Variants in EFR3B observed in about 807,000 individuals in gnomAD.
The protein encoded by EFR3B is protein EFR3 homolog B.
In EFR3B, 64 loss-of-function variants were observed where a neutral mutation model predicts 104.7. The ratio of observed to expected loss-of-function variants is 0.61; its 90% CI spans 0.50 to 0.75. The LOEUF (loss-of-function observed/expected upper bound fraction) is 0.75, where lower values mean the gene tolerates loss of function less well. EFR3B is among the 30% of genes least tolerant of loss of function. The pLI is 0.00. For missense variants in EFR3B, 750 were observed against 1,078.5 expected (o/e 0.70, Z 4.27); for synonymous variants, 385 against 417.9 (o/e 0.92, Z 0.96).
intron 5 of EFR3B, among the ~76,000 whole-genome samples, chr2:25,126,072 G>A (rs1471992937): frequency 6.6e-6 from 1 of 152,232 alleles, no homozygotes. Context: ...TAGAACAGAT[G>A]TTTAAAATGA....
At chr2:25,098,358 T>A (rs1258456280) in intron 3 of EFR3B, among the ~76,000 whole-genome samples, 2 of 152,138 alleles carry the variant, frequency 1.3e-5, no homozygotes, top group Non-Finnish European at 2.9e-5. Context: ...CTGCCTTTCC[T>A]CTCCAACTAA....
intron 3 of EFR3B, among the ~76,000 whole-genome samples, chr2:25,099,245 G>C (rs6756204): frequency 6.6e-6 from 1 of 152,122 alleles, no homozygotes; most frequent in Admixed American, 6.6e-5. Flanking sequence ...TGCTGGGACT[G>C]GGTCTGCAAG....
chr2:25,132,868 G>T (rs1670395884), intron 10 of EFR3B, 35 bp from the exon 11 acceptor site: 1 of 1,524,218 alleles, frequency 6.6e-7, no homozygotes, highest in East Asian at 2.5e-5. Flanking sequence ...TGGAGCCTGT[G>T]CCTCACTGGG....
intron 3 of EFR3B, among the ~76,000 whole-genome samples, chr2:25,100,466 TAC>T (rs1345079415): frequency 6.6e-6 from 1 of 152,196 alleles, no homozygotes; most frequent in Admixed American, 6.5e-5. Flanking sequence ...CATTAGGCTT[TAC>T]AGTTTTCTGC....
intron 1 of EFR3B, among the ~76,000 whole-genome samples, chr2:25,045,846 C>A (rs2149161513): frequency 6.6e-6 from 1 of 152,194 alleles, no homozygotes; most frequent in Middle Eastern, 3.4e-3. Flanking sequence ...CTGGAGCATC[C>A]CGTTTCCCCG....
rs781011495 is a variant in EFR3B, at chr2:25,136,501, G to C, written c.1485-22G>C. ...GCTGGCCTCATGCAAGGGCTAAGGA[G>C]GCCCTTTGCATCCCTTCCCAGTACC... On this transcript the variant is annotated intron_variant, in intron 13 of 22. Transcript: ENST00000403714. The surrounding 1 kb of genome is among the most constrained non-coding windows in gnomAD (Gnocchi z 4.0). 1.3e-6 allele frequency: 2 copies of C among 1,544,134 alleles called. No individual in the cohort carries two copies. Among genetic ancestry groups the C allele is most frequent in the Non-Finnish European group, 1.8e-6 (2 of 1,140,488 alleles).
intron 4 of EFR3B, among the ~76,000 whole-genome samples, chr2:25,104,073 C>T (rs1410475603): frequency 6.6e-6 from 1 of 152,062 alleles, no homozygotes; most frequent in African/African-American, 2.4e-5. Context: ...GGTGGCCAGG[C>T]ACAGTGGCTC....
At chr2:25,104,566 G>A (rs1216125519) in intron 4 of EFR3B, among the ~76,000 whole-genome samples, 1 of 152,156 alleles carries the variant, frequency 6.6e-6, no homozygotes, top group Non-Finnish European at 1.5e-5. Flanking sequence ...TTCTTTTGAG[G>A]GCAGGAAGAA....
chr2:25,103,784 C>T lies in EFR3B; in HGVS notation c.360C>T (p.Asn120=). Reference sequence around the variant, plus strand: ...CCAACCTGCAGATCCTCGGCACCAACTCGGTAAGGAGCGGCCCAGGGGGCT... The same window carrying T: ...CCAACCTGCAGATCCTCGGCACCAATTCGGTAAGGAGCGGCCCAGGGGGCT... ...EKPNLQILGT[N]SFVKFANIEE... is the part of the protein sequence containing the mutation. The change falls in exon 4 of 23, where the codon AAC becomes AAT. Residue 120 remains asparagine (N), a synonymous_variant. Coordinates refer to ENST00000403714, the MANE Select transcript of EFR3B (RefSeq NM_014971.2). 6 of 1,551,358 alleles carry T rather than the reference C, an allele frequency of 3.9e-6. No individual in the cohort carries two copies. Among genetic ancestry groups the T allele is most frequent in the Non-Finnish European group, 5.2e-6 (6 of 1,146,798 alleles).
intron 4 of EFR3B, among the ~76,000 whole-genome samples, chr2:25,106,571 C>G (rs1215702086): frequency 6.6e-6 from 1 of 152,048 alleles, no homozygotes; most frequent in Admixed American, 6.6e-5. Context: ...GATTCTCCTG[C>G]CAAAGCCTCC....
chr2:25,064,885 T>C (rs893026021), intron 1 of EFR3B, among the ~76,000 whole-genome samples: 33 of 152,234 alleles, frequency 2.2e-4, no homozygotes, highest in Non-Finnish European at 3.5e-4. Flanking sequence ...AATCAAGTTA[T>C]AAAATACCAA....
chr2:25,104,631 GGTTATGCCCCTTTCAAAGATAGA>G (rs1167610199), intron 4 of EFR3B, among the ~76,000 whole-genome samples: 2 of 152,200 alleles, frequency 1.3e-5, no homozygotes, highest in Non-Finnish European at 2.9e-5. Flanking sequence ...AAGCTGTCCA[GGTTATGCCCCTTTCAAAGATAGA>G]GTAAAGTGAT....
At position 25,136,436 on chromosome 2, in the gene EFR3B, A is replaced by AATGTTGGGG. The variant is rs763946456; in HGVS notation, c.1485-84_1485-76dup. 244 of 1,081,590 alleles carry AATGTTGGGG rather than the reference A, an allele frequency of 2.3e-4. No homozygotes were observed. The highest frequency in any genetic ancestry group is 3.2e-4 in the Non-Finnish European group (235 of 734,634). The allele number at this position is 1,081,590 out of a possible 1,614,324, so 67.0% of individuals were successfully genotyped here. ...CACTGGAGGCTTTGTACCAACTAAC[A>AATGTTGGGG]ATGTTGGGGATAAAGCTCAGTGACC... On this transcript the variant is annotated intron_variant, in intron 13 of 22. Coordinates refer to ENST00000403714, the MANE Select transcript of EFR3B (RefSeq NM_014971.2). This position sits in a 1 kb window ranked among gnomAD's most constrained non-coding sequence, Gnocchi z 4.0.
intron 1 of EFR3B, among the ~76,000 whole-genome samples, chr2:25,063,438 C>T (rs1391566323): frequency 2.0e-5 from 3 of 152,174 alleles, no homozygotes; most frequent in African/African-American, 7.2e-5. Context: ...TAATGGCACA[C>T]TGAAATGGAT....
chr2:25,144,060 GA>G (rs543464799), intron 18 of EFR3B, among the ~76,000 whole-genome samples, 198 bp downstream of exon 18: 14 of 152,324 alleles, frequency 9.2e-5, no homozygotes, highest in Non-Finnish European at 1.8e-4. Flanking sequence ...AGGGTCCTTG[GA>G]AGTACCTGGC....
chr2:25,062,655 T>A (rs530774050), intron 1 of EFR3B, among the ~76,000 whole-genome samples: 23 of 152,280 alleles, frequency 1.5e-4, no homozygotes, highest in Non-Finnish European at 2.4e-4. Flanking sequence ...ACAACTTACG[T>A]GCCGAGTAGC....
chr2:25,080,534 T>G, intron 1 of EFR3B: 1 of 481,300 alleles, frequency 2.1e-6, no homozygotes, highest in South Asian at 2.9e-5. Context: ...ACCTCAGGTA[T>G]CTGCCCGCCT....
chr2:25,049,860 A>G (rs1412797846), intron 1 of EFR3B, among the ~76,000 whole-genome samples: 1 of 151,714 alleles, frequency 6.6e-6, no homozygotes, highest in Non-Finnish European at 1.5e-5. Context: ...CAAGCCTGCA[A>G]TCTCAGCACT....
chr2:25,133,399 C>A lies in EFR3B; in HGVS notation c.1276C>A (p.Leu426Met), dbSNP rs1311663618. 1 of 1,552,298 alleles carries A rather than the reference C, an allele frequency of 6.4e-7. No individual in the cohort carries two copies. Among genetic ancestry groups the A allele is most frequent in the African/African-American group, 1.4e-5 (1 of 73,046 alleles). The change falls in exon 12 of 23, where the codon CTG becomes ATG. Residue 426 changes from leucine to methionine, a missense_variant. Transcript: ENST00000403714. ...GGTCTACAGGGAGAATAGGAACCGT[C>A]TGACCCAGATTATGCTGCTAAAATC... The part of the protein sequence containing the change: ...TGRTGENRNR[L>M]TQIMLLKSLL...
Sources: gnomAD v4.1 joint callset for allele counts (sites outside exome capture counted in the v4.1 genomes callset) on GRCh38, gnomAD v4.1.1 for gene constraint, Gnocchi (gnomAD v3.1) non-coding constraint, MANE v1.5 for transcripts, NCBI Gene and HGNC (gene_info 2026-07-23, HGNC 2026-07-21) for gene names.